The following RMDN1 variants were observed in gnomAD, a reference collection of about 807,000 sequenced individuals.
RMDN1 encodes the protein regulator of microtubule dynamics protein 1.
Under a neutral mutation model 48.9 loss-of-function variants are expected in RMDN1, and 48 were observed. The ratio of observed to expected loss-of-function variants is 0.98; its 90% CI spans 0.78 to 1.25. The LOEUF is 1.25. Ranked by LOEUF, RMDN1 falls within the 50% of genes most tolerant of loss-of-function variation. RMDN1 has a pLI of 0.00. For missense variants in RMDN1, 418 were observed against 373.4 expected (o/e 1.12, Z -0.98); for synonymous variants, 148 against 132.6 (o/e 1.12, Z -0.80).
chr8:86,504,758 C>T lies in RMDN1; in HGVS notation c.247+2237G>A. On this transcript the variant is annotated intron_variant, in intron 2 of 9. Coordinates refer to ENST00000406452, the MANE Select transcript of RMDN1 (RefSeq NM_016033.3). Reference sequence around the variant, plus strand: ...GGTTTATTGTGGCCGAACTCTTCAGCCAGGGCCCCCGCCCAGCTGCGACTG... The same window carrying T: ...GGTTTATTGTGGCCGAACTCTTCAGTCAGGGCCCCCGCCCAGCTGCGACTG... The T allele has an allele frequency of 2.8e-6, 3 of 1,053,598 alleles. No homozygotes were observed. The Admixed American group carries it at 5.1e-5, about 18-fold the overall frequency. 65.3% of individuals were successfully genotyped at this position (1,053,598 alleles called of 1,614,324 possible).
At chr8:86,504,413 A>C in intron 2 of RMDN1, 1 of 1,559,954 alleles carries the variant, frequency 6.4e-7, no homozygotes, top group Non-Finnish European at 8.8e-7. Flanking sequence ...ATTGTGCTCC[A>C]GCTCTCTCGA....
At chr8:86,470,768 A>C (rs1812481058), downstream of RMDN1, among the ~76,000 whole-genome samples, 1 of 152,196 alleles carries the variant, frequency 6.6e-6, no homozygotes. Context: ...AGTGAAAAAA[A>C]GTATCACAGG....
intron 7 of RMDN1, among the ~76,000 whole-genome samples, chr8:86,477,832 A>G (rs186303371): frequency 1.2e-4 from 18 of 152,218 alleles, no homozygotes; most frequent in Admixed American, 9.2e-4. Context: ...TTCTAGAAAC[A>G]TAACTAATTT....
At chr8:86,500,328 T>G (rs550439482) in intron 2 of RMDN1, among the ~76,000 whole-genome samples, 2 of 151,766 alleles carry the variant, frequency 1.3e-5, no homozygotes, top group African/African-American at 4.8e-5. Flanking sequence ...CTTAAAACAA[T>G]TGAACAAGCA....
chr8:86,498,607 C>T (rs1415240710), intron 2 of RMDN1, among the ~76,000 whole-genome samples: 3 of 151,776 alleles, frequency 2.0e-5, no homozygotes, highest in South Asian at 2.1e-4. Flanking sequence ...GGAGAAACCC[C>T]GACTCTACAA....
At chr8:86,487,985 G>A (rs941442377) in intron 3 of RMDN1, among the ~76,000 whole-genome samples, 2 of 150,960 alleles carry the variant, frequency 1.3e-5, no homozygotes, top group East Asian at 2.0e-4. Context: ...TTAGCCATAT[G>A]ACTTACTTCA....
chr8:86,489,075 T>C (rs890901960), intron 2 of RMDN1, among the ~76,000 whole-genome samples: 1 of 152,250 alleles, frequency 6.6e-6, no homozygotes. Flanking sequence ...TACACAGTCT[T>C]TGTTGTTGCT....
chr8:86,472,103 G>A (rs1812648957), downstream of RMDN1, among the ~76,000 whole-genome samples: 1 of 152,132 alleles, frequency 6.6e-6, no homozygotes, highest in Non-Finnish European at 1.5e-5. Context: ...TTTATTCTGA[G>A]AAAATGCATG....
downstream of RMDN1, among the ~76,000 whole-genome samples, chr8:86,469,190 C>T (rs989985074): frequency 6.6e-6 from 1 of 151,382 alleles, no homozygotes; most frequent in African/African-American, 2.4e-5. Flanking sequence ...GTCCCGCCCC[C>T]CCCATGTACT....
Position 86,474,464 on chromosome 8 carries a change from T to C in RMDN1, c.895-106A>G, listed in dbSNP as rs1813024645. ...TTTCTAAGAGTTTCCAAAAACCAGA[T>C]AGGACATTATAACAATAAAATGTCT... On this transcript the variant is annotated intron_variant, in intron 9 of 9. Coordinates refer to ENST00000406452, the MANE Select transcript of RMDN1 (RefSeq NM_016033.3). 1.2e-5 allele frequency: 11 copies of C among 883,698 alleles called. No homozygotes were observed. In the South Asian group the frequency reaches 1.3e-4, roughly 10 times the overall value. 54.7% of individuals were successfully genotyped at this position (883,698 alleles called of 1,614,324 possible). A position where few individuals can be genotyped will look rare whatever the true frequency, so the allele number is the denominator to read the frequency against.
intron 2 of RMDN1, among the ~76,000 whole-genome samples, chr8:86,494,625 C>A (rs142483361): frequency 2.6e-4 from 40 of 152,218 alleles, no homozygotes; most frequent in East Asian, 7.7e-4. Context: ...TCCCCTACTG[C>A]GGCTATGAAG....
chr8:86,493,203 T>A (rs1335564804), intron 2 of RMDN1, among the ~76,000 whole-genome samples: 1 of 152,222 alleles, frequency 6.6e-6, no homozygotes, highest in Non-Finnish European at 1.5e-5. Context: ...CAACTAATTA[T>A]AAAGTGATTT....
intron 2 of RMDN1, chr8:86,504,106 A>T: frequency 9.1e-7 from 1 of 1,097,004 alleles, no homozygotes; most frequent in Non-Finnish European, 1.4e-6. Context: ...TCTGGAATTC[A>T]AATTCATCCT....
At chr8:86,470,532 G>A (rs527458072), downstream of RMDN1, 85 of 698,616 alleles carry the variant, frequency 1.2e-4, no homozygotes, top group Non-Finnish European at 1.6e-4. Context: ...AAAGGACCCA[G>A]GAGCCACACT....
intron 2 of RMDN1, among the ~76,000 whole-genome samples, chr8:86,501,917 A>AT (rs201115309): frequency 2.0e-5 from 3 of 151,398 alleles, no homozygotes; most frequent in Non-Finnish European, 4.4e-5. Context: ...TCATAAATAC[A>AT]TTTAAAAAAA....
At position 86,472,628 on chromosome 8, in the gene RMDN1, A is replaced by AT. The variant is rs1812726757; in HGVS notation, c.*1679dup. 1.7e-6 allele frequency: 1 copy of AT among 574,276 alleles called. No individual in the cohort carries two copies. The highest frequency in any genetic ancestry group is 3.1e-6 in the Non-Finnish European group (1 of 326,520). 35.6% of individuals were successfully genotyped at this position (574,276 alleles called of 1,614,324 possible). ...GTTGCCTAGCTACCCTGACCACATTATTTTTTCACTGTATCAGTGGTGTGT... is the reference window on the plus strand; with the variant it reads ...GTTGCCTAGCTACCCTGACCACATTATTTTTTTCACTGTATCAGTGGTGTGT... On this transcript the variant is annotated 3_prime_UTR_variant, in exon 10 of 10. Coordinates refer to ENST00000406452, the MANE Select transcript of RMDN1 (RefSeq NM_016033.3).
intron 2 of RMDN1, among the ~76,000 whole-genome samples, chr8:86,500,726 A>T (rs1818068831): frequency 6.6e-6 from 1 of 152,168 alleles, no homozygotes; most frequent in South Asian, 2.1e-4. Flanking sequence ...TGTTCTACCA[A>T]AGTGACACAC....
chr8:86,482,449 G>T, intron 5 of RMDN1: 1 of 504,028 alleles, frequency 2.0e-6, no homozygotes, highest in East Asian at 4.4e-5. Flanking sequence ...GTCTTAAGTT[G>T]ACAGCAATGC....
chr8:86,505,086 T>A (rs541314531), intron 2 of RMDN1: 4 of 1,389,786 alleles, frequency 2.9e-6, no homozygotes, highest in Non-Finnish European at 3.8e-6. Context: ...TCCTTCCACC[T>A]CCCTCCCAGC....
Sources: allele counts gnomAD v4.1 joint callset (sites outside exome capture counted in the v4.1 genomes callset), GRCh38; gene constraint gnomAD v4.1.1; transcripts MANE v1.5; gene names NCBI Gene and HGNC (gene_info 2026-07-23, HGNC 2026-07-21).